The following PCDH11Y variants were observed in gnomAD, a reference collection of about 807,000 sequenced individuals.
PCDH11Y encodes protocadherin 11 Y-linked.
For synonymous variants in PCDH11Y, 9 were observed against 83.6 expected (o/e 0.11, Z 4.87); for missense variants, 12 against 224.8 (o/e 0.05, Z 6.05).
At chrY:5,242,726 C>G in intron 2 of PCDH11Y, among the ~76,000 whole-genome samples, 3 of 31,723 alleles carry the variant, frequency 9.5e-5, no homozygotes, top group Admixed American at 6.0e-4. Flanking sequence ...AAAAGATTAT[C>G]TGAAACCATT....
At chrY:5,652,104 G>T (rs2124706218) in intron 4 of PCDH11Y, among the ~76,000 whole-genome samples, 1 of 32,981 alleles carries the variant, frequency 3.0e-5, no homozygotes, top group African/African-American at 1.2e-4. Flanking sequence ...CAAACAGAGA[G>T]CTTGTGCAGG....
At chrY:5,124,025 G>A (rs2052822108) in intron 2 of PCDH11Y, among the ~76,000 whole-genome samples, 1 of 32,854 alleles carries the variant, frequency 3.0e-5, no homozygotes, top group Non-Finnish European at 7.5e-5. Flanking sequence ...GGAAAGACTC[G>A]TGGAAGAGAT....
At chrY:5,493,346 A>G (rs1602933680) in intron 2 of PCDH11Y, among the ~76,000 whole-genome samples, 10 of 33,686 alleles carry the variant, frequency 3.0e-4, no homozygotes, top group African/African-American at 6.9e-4. Context: ...TTTTGAAAAT[A>G]TAAAGGAGTG....
chrY:5,700,863 G>C (rs2053577128), intron 4 of PCDH11Y, among the ~76,000 whole-genome samples: 1 of 32,957 alleles, frequency 3.0e-5, no homozygotes, highest in African/African-American at 1.2e-4. Flanking sequence ...ACTTCCTAGA[G>C]ACCTAATGAA....
intron 4 of PCDH11Y, among the ~76,000 whole-genome samples, chrY:5,638,484 G>A: frequency 3.0e-5 from 1 of 32,908 alleles, no homozygotes; most frequent in Non-Finnish European, 7.5e-5. Context: ...ATTCATAATT[G>A]AAGCCAAACT....
chrY:5,168,013 A>G, intron 2 of PCDH11Y, among the ~76,000 whole-genome samples: 2 of 26,254 alleles, frequency 7.6e-5, no homozygotes, highest in Non-Finnish European at 1.8e-4. Flanking sequence ...GGTGAATCAT[A>G]TAGTGCATCA....
At chrY:5,092,198 G>A in intron 1 of PCDH11Y, among the ~76,000 whole-genome samples, 3 of 31,627 alleles carry the variant, frequency 9.5e-5, no homozygotes, top group African/African-American at 3.7e-4. Flanking sequence ...AAAGGGAGAT[G>A]GTGTTTTCTT....
intron 2 of PCDH11Y, among the ~76,000 whole-genome samples, chrY:5,174,139 GATATATATATATATAT>G (rs771513755): frequency 1.0e-4 from 1 of 9,846 alleles, no homozygotes; most frequent in South Asian, 2.8e-3. Flanking sequence ...ATACAAATGT[GATATATATATATATAT>G]ATATATATAT....
chrY:5,508,973 G>T, intron 3 of PCDH11Y, among the ~76,000 whole-genome samples: 3 of 32,797 alleles, frequency 9.1e-5, no homozygotes, highest in Non-Finnish European at 1.5e-4. Flanking sequence ...AGCTCTCAGG[G>T]ACCTTGGGTG....
chrY:5,529,582 T>C, intron 3 of PCDH11Y, among the ~76,000 whole-genome samples: 8 of 32,397 alleles, frequency 2.5e-4, no homozygotes, highest in African/African-American at 9.6e-4. Context: ...ACATCTCATG[T>C]ACCCCATAAA....
downstream of PCDH11Y, among the ~76,000 whole-genome samples, chrY:5,108,392 C>A (rs2052796807): frequency 6.1e-5 from 2 of 32,708 alleles, no homozygotes; most frequent in Non-Finnish European, 1.5e-4. Context: ...TTCATTAATT[C>A]ATCTTTCATG....
chrY:5,647,838 G>C, intron 4 of PCDH11Y, among the ~76,000 whole-genome samples: 1 of 33,620 alleles, frequency 3.0e-5, no homozygotes, highest in African/African-American at 1.2e-4. Flanking sequence ...GGAATCCTTA[G>C]AGAAATTCCA....
intron 2 of PCDH11Y, among the ~76,000 whole-genome samples, chrY:5,450,931 G>T (rs2053292583): frequency 3.4e-5 from 1 of 29,670 alleles, no homozygotes; most frequent in African/African-American, 1.3e-4. Context: ...GCAACATAAG[G>T]TTTTTTTTTT....
intron 4 of PCDH11Y, among the ~76,000 whole-genome samples, chrY:5,614,956 T>G: frequency 3.2e-5 from 1 of 31,513 alleles, no homozygotes; most frequent in Admixed American, 3.0e-4. Context: ...AAAAGGCACT[T>G]CTTACATGGC....
chrY:5,197,991 TA>T (rs2052922746), intron 2 of PCDH11Y, among the ~76,000 whole-genome samples: 6 of 28,480 alleles, frequency 2.1e-4, no homozygotes, highest in African/African-American at 8.3e-4. Flanking sequence ...AAAAAAAAAT[TA>T]AAAAAAAAAT....
intron 2 of PCDH11Y, among the ~76,000 whole-genome samples, chrY:5,135,133 C>A (rs2052837602): frequency 6.0e-5 from 2 of 33,301 alleles, no homozygotes; most frequent in Non-Finnish European, 1.5e-4. Flanking sequence ...CCAGCCTCCA[C>A]CTCTAACCTA....
At chrY:5,239,012 T>G in intron 2 of PCDH11Y, among the ~76,000 whole-genome samples, 1 of 31,958 alleles carries the variant, frequency 3.1e-5, no homozygotes, top group African/African-American at 1.2e-4. Context: ...TGGAAGTCAG[T>G]GTGGCGATTC....
chrY:5,149,257 A>T, intron 2 of PCDH11Y, among the ~76,000 whole-genome samples: 2 of 32,584 alleles, frequency 6.1e-5, no homozygotes, highest in African/African-American at 1.2e-4. Flanking sequence ...AAGAAGAAAG[A>T]CTCTCAAGAT....
intron 2 of PCDH11Y, among the ~76,000 whole-genome samples, chrY:5,231,696 T>A: frequency 3.0e-5 from 1 of 33,034 alleles, no homozygotes; most frequent in Non-Finnish European, 7.5e-5. Context: ...AATCAGCATG[T>A]GTCAAAGCCA....
Sources: gnomAD v4.1 joint callset for allele counts (sites outside exome capture counted in the v4.1 genomes callset) on GRCh38, gnomAD v4.1.1 for gene constraint, MANE v1.5 for transcripts, NCBI Gene and HGNC (gene_info 2026-07-23, HGNC 2026-07-21) for gene names.